Variants in CHRM3 observed in about 807,000 individuals in gnomAD.
The protein encoded by CHRM3 is muscarinic acetylcholine receptor M3.
Under a neutral mutation model 41.8 loss-of-function variants are expected in CHRM3, and 11 were observed. The observed-to-expected ratio is 0.26, with a 90% CI of 0.17 to 0.44. CHRM3 has a LOEUF of 0.44. CHRM3 is among the 20% of genes least tolerant of loss of function. The pLI, the probability that CHRM3 is intolerant of heterozygous loss-of-function variation, is 1.00. For missense variants in CHRM3, 571 were observed against 745.4 expected (o/e 0.77, Z 2.72); for synonymous variants, 297 against 301.4 (o/e 0.99, Z 0.15).
At chr1:239,890,666 C>T (rs763523948) in intron 6 of CHRM3, among the ~76,000 whole-genome samples, 1 of 152,162 alleles carries the variant, frequency 6.6e-6, no homozygotes, top group Non-Finnish European at 1.5e-5. Flanking sequence ...TGAAATATCA[C>T]AATTCAGCAA....
chr1:239,887,650 G>C (rs1678186620), intron 6 of CHRM3, among the ~76,000 whole-genome samples: 1 of 152,134 alleles, frequency 6.6e-6, no homozygotes, highest in Non-Finnish European at 1.5e-5. Flanking sequence ...CATCTGTTGA[G>C]ATGTTTTTGA....
intron 1 of CHRM3, among the ~76,000 whole-genome samples, chr1:239,442,812 G>A (rs1167698282): frequency 6.6e-6 from 1 of 152,168 alleles, no homozygotes; most frequent in Non-Finnish European, 1.5e-5. Context: ...CACACTAGGA[G>A]CTCAAGTAGC....
At chr1:239,641,031 G>C (rs1425388280) in intron 4 of CHRM3, among the ~76,000 whole-genome samples, 3 of 152,106 alleles carry the variant, frequency 2.0e-5, no homozygotes, top group Non-Finnish European at 4.4e-5. Context: ...GTACCCAGTA[G>C]TCATTCAGGA....
At chr1:239,726,742 A>G (rs923963373) in intron 5 of CHRM3, among the ~76,000 whole-genome samples, 4 of 151,960 alleles carry the variant, frequency 2.6e-5, no homozygotes, top group Non-Finnish European at 5.9e-5. Context: ...GAAATTAGAC[A>G]TGACAATAAA....
intron 5 of CHRM3, among the ~76,000 whole-genome samples, chr1:239,710,255 A>C (rs1280011136): frequency 2.6e-5 from 4 of 152,282 alleles, no homozygotes; most frequent in African/African-American, 7.2e-5. Context: ...GATACTCTCT[A>C]TATATGTAAC....
At chr1:239,633,066 G>A (rs978689159) in intron 4 of CHRM3, among the ~76,000 whole-genome samples, 8 of 152,154 alleles carry the variant, frequency 5.3e-5, no homozygotes, top group Admixed American at 3.9e-4. Flanking sequence ...TCCGCCTCCC[G>A]GGTTCACACC....
intron 4 of CHRM3, among the ~76,000 whole-genome samples, chr1:239,645,425 T>A (rs4659548): frequency 0.61 from 92,766 of 151,570 alleles, 28,714 homozygotes; most frequent in East Asian, 0.83. Context: ...TAAAAACCAA[T>A]ATTCACCTTT....
chr1:239,627,291 T>C (rs1404114653), intron 3 of CHRM3, among the ~76,000 whole-genome samples: 3 of 135,198 alleles, frequency 2.2e-5, no homozygotes, highest in Non-Finnish European at 3.2e-5. Context: ...TTTGTTGGTT[T>C]AAAGTCTGTT....
At chr1:239,582,997 G>A (rs1339999258) in intron 3 of CHRM3, among the ~76,000 whole-genome samples, 1 of 152,156 alleles carries the variant, frequency 6.6e-6, no homozygotes, top group East Asian at 1.9e-4. Context: ...TCAATTACTT[G>A]GATGTGAGTG....
chr1:239,431,341 A>C (rs758651501), intron 1 of CHRM3, among the ~76,000 whole-genome samples: 1 of 152,154 alleles, frequency 6.6e-6, no homozygotes, highest in Non-Finnish European at 1.5e-5. Context: ...TTTCATTTGC[A>C]GGAAAAAGAT....
At position 239,678,556 on chromosome 1, in the gene CHRM3, T is replaced by C. The variant is rs561238462; in HGVS notation, c.-147+268T>C. 2.9e-4 allele frequency among the ~76,000 whole-genome samples: 44 copies of C among 152,238 alleles called. No individual in the cohort carries two copies. The South Asian group carries it at 8.7e-3, about 30-fold the overall frequency. On this transcript the variant is annotated intron_variant, in intron 5 of 6. Coordinates refer to ENST00000676153, the MANE Select transcript of CHRM3 (RefSeq NM_001375978.1). ...GAGGAGAAAGTATACACTTATATGG[T>C]TCTGAAAATAATAAGAATTATCCAG...
rs576252976 is a variant in CHRM3 at position 239,739,019 on chromosome 1, A to G, written c.-147+60731A>G. Among the ~76,000 whole-genome samples the G allele has an allele frequency of 3.3e-5, 5 of 152,200 alleles. No individual in the cohort carries two copies. In the East Asian group the frequency reaches 5.8e-4, roughly 18 times the overall value. On this transcript the variant is annotated intron_variant, in intron 5 of 6. Transcript: ENST00000676153. The stretch of plus-strand genomic sequence containing the variant: ...TCCCTACCTGTTTCCATAGATTTCA[A>G]TCGTTTTGTTAATGCTCACTACAGG...
At chr1:239,574,371 T>C (rs919157821) in intron 3 of CHRM3, among the ~76,000 whole-genome samples, 1 of 152,112 alleles carries the variant, frequency 6.6e-6, no homozygotes, top group Non-Finnish European at 1.5e-5. Context: ...TGTGCTATTA[T>C]TCTTGCTGGT....
At chr1:239,464,594 A>G (rs1665591898) in intron 1 of CHRM3, among the ~76,000 whole-genome samples, 1 of 152,212 alleles carries the variant, frequency 6.6e-6, no homozygotes, top group Non-Finnish European at 1.5e-5. Context: ...GATTGAAGGC[A>G]CAAATTATTT....
intron 1 of CHRM3, among the ~76,000 whole-genome samples, chr1:239,428,165 C>T (rs72754667): frequency 2.6e-5 from 4 of 152,278 alleles, no homozygotes; most frequent in Non-Finnish European, 5.9e-5. Context: ...AACTTCAAGC[C>T]ACCATGACAT....
At chr1:239,447,834 A>G (rs1664264833) in intron 1 of CHRM3, among the ~76,000 whole-genome samples, 3 of 152,218 alleles carry the variant, frequency 2.0e-5, no homozygotes, top group South Asian at 2.1e-4. Flanking sequence ...AGAAGGCATC[A>G]TTGAAGTTGA....
intron 1 of CHRM3, among the ~76,000 whole-genome samples, chr1:239,437,749 T>G (rs886066869): frequency 5.9e-5 from 9 of 151,892 alleles, no homozygotes; most frequent in African/African-American, 1.9e-4. Context: ...GTTGGCAAAA[T>G]AGAGATGAGA....
chr1:239,910,304 A>AATAT lies in CHRM3; in HGVS notation c.*1089_*1092dup, dbSNP rs201823094. On this transcript the variant is annotated 3_prime_UTR_variant, in exon 7 of 7. Transcript: ENST00000676153. ...GTCACGTTTGAATGTCATACACAGC[A>AATAT]ATATATATATATGTGTATATATATA... 3.3e-4 allele frequency: 52 copies of AATAT among 159,836 alleles called. No homozygotes were observed. Among genetic ancestry groups the AATAT allele is most frequent in the African/African-American group, 7.6e-4 (30 of 39,656 alleles). 9.9% of individuals were successfully genotyped at this position (159,836 alleles called of 1,614,324 possible). A position where few individuals can be genotyped will look rare whatever the true frequency, so the allele number is the denominator to read the frequency against.
chr1:239,618,277 C>CTTTTTT (rs61094722), intron 3 of CHRM3, among the ~76,000 whole-genome samples: 6 of 120,660 alleles, frequency 5.0e-5, no homozygotes, highest in Admixed American at 9.6e-5. Context: ...TTTTTTCTTT[C>CTTTTTT]TTTTTTTTTT....
Sources: gnomAD v4.1 joint callset for allele counts (sites outside exome capture counted in the v4.1 genomes callset) on GRCh38, gnomAD v4.1.1 for gene constraint, MANE v1.5 for transcripts, NCBI Gene and HGNC (gene_info 2026-07-23, HGNC 2026-07-21) for gene names.